The following CELA2B variants were observed in gnomAD, a reference collection of about 807,000 sequenced individuals.
CELA2B encodes chymotrypsin like elastase 2B.
In CELA2B, 27 loss-of-function variants were observed where a neutral mutation model predicts 36.5. The ratio of observed to expected loss-of-function variants is 0.74; its 90% CI spans 0.55 to 1.02. CELA2B has a LOEUF of 1.02. Among genes scored for constraint, CELA2B ranks in the 50% least tolerant of loss-of-function variants. The pLI, the probability that CELA2B is intolerant of heterozygous loss-of-function variation, is 0.00. For synonymous variants in CELA2B, 143 were observed against 148.5 expected (o/e 0.96, Z 0.27); for missense variants, 340 against 347.8 (o/e 0.98, Z 0.18).
Position 15,476,125 on chromosome 1 carries a change from C to G in CELA2B, c.-1C>G. On this transcript the variant is annotated 5_prime_UTR_variant, in exon 1 of 8. Transcript: ENST00000375910. ...GCTTACAGAACTCCCACGGACACACCATGATTAGGACCCTGCTGCTGTCCA... is the reference window on the plus strand; with the variant it reads ...GCTTACAGAACTCCCACGGACACACGATGATTAGGACCCTGCTGCTGTCCA... The G allele has an allele frequency of 6.2e-7, 1 of 1,614,078 alleles. No individual in the cohort carries two copies. Among genetic ancestry groups the G allele is most frequent in the South Asian group, 1.1e-5 (1 of 91,070 alleles).
At chr1:15,489,334 G>A (rs1349938003) in intron 7 of CELA2B, among the ~76,000 whole-genome samples, 1 of 152,358 alleles carries the variant, frequency 6.6e-6, no homozygotes, top group East Asian at 1.9e-4. Context: ...GATCCACGGG[G>A]CAGCACGCCT....
At chr1:15,482,643 T>C (rs946257492) in intron 4 of CELA2B, among the ~76,000 whole-genome samples, 2 of 152,122 alleles carry the variant, frequency 1.3e-5, no homozygotes, top group Non-Finnish European at 2.9e-5. Context: ...AGGGCCCCTG[T>C]CCGCTGAGTG....
In CELA2B at chr1:15,482,281, C is replaced by G. The variant is rs758925686; in HGVS notation, c.244C>G (p.Arg82Gly). The change falls in exon 4 of 8, where the codon CGC becomes GGC. Residue 82 changes from arginine (R) to glycine (G), a missense_variant. Coordinates refer to ENST00000375910, the MANE Select transcript of CELA2B (RefSeq NM_015849.3). The part of the protein sequence containing the change: ...AHCISSSGIY[R>G]VMLGQHNLYV... ...TTCTCCCAGCTCCTCCGGGATCTAC[C>G]GCGTGATGCTGGGCCAGCATAACCT... 2.1e-5 allele frequency: 34 copies of G among 1,613,870 alleles called. No homozygotes were observed. The highest frequency in any genetic ancestry group is 2.9e-5 in the Non-Finnish European group (34 of 1,179,934).
At chr1:15,489,432 G>A (rs1368992962) in intron 7 of CELA2B, among the ~76,000 whole-genome samples, 1 of 152,238 alleles carries the variant, frequency 6.6e-6, no homozygotes, top group Non-Finnish European at 1.5e-5. Context: ...AGAAGGGGGA[G>A]AGCCAAGCAA....
intron 2 of CELA2B, among the ~76,000 whole-genome samples, chr1:15,480,397 G>T (rs1251663518): frequency 6.6e-6 from 1 of 152,130 alleles, no homozygotes; most frequent in African/African-American, 2.4e-5. Context: ...GTATTTTTCT[G>T]TAGAGACGGT....
chr1:15,478,692 A>G (rs1193218365), intron 2 of CELA2B, among the ~76,000 whole-genome samples: 1 of 151,040 alleles, frequency 6.6e-6, no homozygotes, highest in Non-Finnish European at 1.5e-5. Context: ...CAGCCTCCTG[A>G]GTACCTAGAA....
intron 6 of CELA2B, 107 bp downstream of exon 6, chr1:15,486,153 C>A (rs981210357): frequency 2.9e-6 from 4 of 1,390,714 alleles, no homozygotes; most frequent in African/African-American, 1.4e-5. Context: ...GACCTCCTGG[C>A]AGAAGCACCC....
At chr1:15,491,126 T>G in intron 7 of CELA2B, 169 bp from the exon 8 acceptor site, 1 of 740,214 alleles carries the variant, frequency 1.4e-6, no homozygotes, top group Non-Finnish European at 2.4e-6. Flanking sequence ...TGTGATTGCA[T>G]CTTTTTCTCC....
chr1:15,476,596 A>C (rs764268530), intron 2 of CELA2B, 51 bp downstream of exon 2: 16 of 1,544,868 alleles, frequency 1.0e-5, no homozygotes, highest in Non-Finnish European at 2.7e-6. Flanking sequence ...CTCCCTTTAC[A>C]TCCCCCCTTT....
chr1:15,485,774 C>A (rs527751435), intron 5 of CELA2B, 127 bp from the exon 6 acceptor site: 2 of 1,201,940 alleles, frequency 1.7e-6, no homozygotes, highest in African/African-American at 1.5e-5. Context: ...ACAGTATAGA[C>A]AAACATGGCT....
chr1:15,476,379 G>A, intron 1 of CELA2B, 78 bp from the exon 2 acceptor site: 1 of 1,479,778 alleles, frequency 6.8e-7, no homozygotes, highest in South Asian at 1.1e-5. Flanking sequence ...TCTATTTGGG[G>A]GTTCAGAATG....
intron 7 of CELA2B, among the ~76,000 whole-genome samples, chr1:15,488,859 G>A (rs1243676841): frequency 1.3e-5 from 2 of 152,166 alleles, no homozygotes; most frequent in East Asian, 1.9e-4. Flanking sequence ...ATTGATTCTT[G>A]CCAGCTCCTT....
intron 7 of CELA2B, chr1:15,490,768 G>C (rs1016971546): frequency 6.4e-6 from 1 of 156,538 alleles, no homozygotes; most frequent in Non-Finnish European, 1.4e-5. Context: ...TACTCGGGAG[G>C]CTAAGGCAGG....
chr1:15,478,543 A>C (rs1708700217), intron 2 of CELA2B, among the ~76,000 whole-genome samples: 1 of 146,144 alleles, frequency 6.8e-6, no homozygotes, highest in Non-Finnish European at 1.5e-5. Context: ...ACACCCAGCC[A>C]AGAGGAATAA....
In CELA2B at chr1:15,481,139, C is replaced by T; in HGVS notation, c.171C>T (p.Thr57=). 6.2e-7 allele frequency: 1 copy of T among 1,613,536 alleles called. No individual in the cohort carries two copies. Among genetic ancestry groups the T allele is most frequent in the Non-Finnish European group, 8.5e-7 (1 of 1,180,028 alleles). The change falls in exon 3 of 8, where the codon ACC becomes ACT. Residue 57 remains threonine, a synonymous_variant. Coordinates refer to ENST00000375910, the MANE Select transcript of CELA2B (RefSeq NM_015849.3). ...QYSSNGQWYH[T]CGGSLIANSW... is the part of the protein sequence containing the mutation. ...GCTCCAATGGCCAGTGGTACCACAC[C>T]TGCGGAGGGTCCCTGATAGCCAACA... is the stretch of plus-strand genomic sequence containing the variant.
intron 6 of CELA2B, among the ~76,000 whole-genome samples, chr1:15,486,317 C>G (rs1007998532): frequency 6.6e-6 from 1 of 152,148 alleles, no homozygotes; most frequent in Non-Finnish European, 1.5e-5. Context: ...CCTGTCTCTA[C>G]TAAAAATAAA....
chr1:15,491,111 A>G, intron 7 of CELA2B, 184 bp from the exon 8 acceptor site: 1 of 675,494 alleles, frequency 1.5e-6, no homozygotes, highest in East Asian at 2.7e-5. Flanking sequence ...AGGTCAATGA[A>G]AAGCTGTGAT....
chr1:15,487,681 T>C (rs976231926), intron 7 of CELA2B, among the ~76,000 whole-genome samples: 2 of 152,208 alleles, frequency 1.3e-5, no homozygotes, highest in African/African-American at 4.8e-5. Context: ...CGTTGGACAC[T>C]CCTCAGGTAC....
At chr1:15,483,038 C>T (rs1708761244) in intron 4 of CELA2B, among the ~76,000 whole-genome samples, 2 of 152,200 alleles carry the variant, frequency 1.3e-5, no homozygotes, top group African/African-American at 4.8e-5. Context: ...CCACTCGCCT[C>T]GGCCTCCCAA....
Sources: gnomAD v4.1 joint callset for allele counts (sites outside exome capture counted in the v4.1 genomes callset) on GRCh38, gnomAD v4.1.1 for gene constraint, MANE v1.5 for transcripts, NCBI Gene and HGNC (gene_info 2026-07-23, HGNC 2026-07-21) for gene names.